The following KLRG1 variants were observed in gnomAD, a reference collection of about 807,000 sequenced individuals.
The protein encoded by KLRG1 is killer cell lectin like receptor G1.
A neutral mutation model predicts 21.8 loss-of-function variants in KLRG1; 16 were observed. The observed-to-expected ratio is 0.73, with a 90% confidence interval of 0.50 to 1.11. The LOEUF is 1.11. KLRG1 is among the 50% of genes most tolerant of loss of function. The pLI, the probability that KLRG1 is intolerant of heterozygous loss-of-function variation, is 0.00. For missense variants in KLRG1, 173 were observed against 218.3 expected, an observed-to-expected ratio of 0.79 and a Z score of 1.31; for synonymous variants, 69 against 75.9, an observed-to-expected ratio of 0.91 and a Z score of 0.47.
At chr12:9,157,335 G>T in the KLRG1 span, 1 of 1,613,738 alleles carries the variant, frequency 6.2e-7, no homozygotes, top group Non-Finnish European at 8.5e-7. Context: ...GGCAGAACAG[G>T]GCATTGCGAA....
chr12:9,204,006 A>G, the KLRG1 span: 56 of 1,481,292 alleles, frequency 3.8e-5, no homozygotes, highest in Non-Finnish European at 5.0e-5. Context: ...AAGCGTTTTC[A>G]TCCATAAATG....
chr12:9,039,904 A>G, the KLRG1 span, among the ~76,000 whole-genome samples: 3 of 152,362 alleles, frequency 2.0e-5, no homozygotes, highest in Non-Finnish European at 2.9e-5. Flanking sequence ...TGCCTGCGCA[A>G]TGCATTCAGG....
the KLRG1 span, among the ~76,000 whole-genome samples, chr12:9,099,792 T>A: frequency 1.0e-3 from 157 of 152,294 alleles, 1 homozygote; most frequent in African/African-American, 3.7e-3. Context: ...TACCATTTGA[T>A]CTAGGCCTCA....
At chr12:9,044,321 CAAA>C in the KLRG1 span, among the ~76,000 whole-genome samples, 1 of 152,016 alleles carries the variant, frequency 6.6e-6, no homozygotes, top group African/African-American at 2.4e-5. Context: ...CTCTAGTAAT[CAAA>C]GAAGGAAAAG....
At chr12:9,065,092 C>G in the KLRG1 span, 1 of 151,472 alleles carries the variant, frequency 6.6e-6, no homozygotes, top group African/African-American at 2.4e-5. Flanking sequence ...CTTGCAGCGA[C>G]GTCATCCCTG....
In KLRG1 at chr12:9,002,871, T is replaced by A. The variant is rs143783585; in HGVS notation, c.358-6104T>A. 1.6e-4 allele frequency among the ~76,000 whole-genome samples: 24 copies of A among 151,440 alleles called. No homozygotes were observed. In the East Asian group the frequency reaches 4.3e-3, roughly 27 times the overall value. On this transcript the variant is annotated intron_variant, in intron 3 of 4. Coordinates refer to ENST00000356986, the MANE Select transcript of KLRG1 (RefSeq NM_005810.4). ...TGTGAGCCACTGCACCAGACCGATT[T>A]GTACTTTCATGCTGCTTCTATATTC...
the KLRG1 span, among the ~76,000 whole-genome samples, chr12:9,144,183 G>T: frequency 6.6e-6 from 1 of 151,224 alleles, no homozygotes; most frequent in Non-Finnish European, 1.5e-5. Context: ...GAGAGAGAGA[G>T]AGACAGAGAG....
chr12:9,110,609 A>G, the KLRG1 span, among the ~76,000 whole-genome samples: 2 of 151,676 alleles, frequency 1.3e-5, no homozygotes, highest in African/African-American at 4.8e-5. Flanking sequence ...GGATAATGAT[A>G]ATGATTATCA....
chr12:9,103,896 G>A, the KLRG1 span, among the ~76,000 whole-genome samples: 1 of 152,154 alleles, frequency 6.6e-6, no homozygotes, highest in Admixed American at 6.5e-5. Context: ...AGCTCTTTGA[G>A]ACCCCGTTTT....
the KLRG1 span, among the ~76,000 whole-genome samples, chr12:9,041,106 C>T: frequency 2.6e-5 from 4 of 152,130 alleles, no homozygotes; most frequent in Admixed American, 6.5e-5. Flanking sequence ...GAGGCTGAGG[C>T]GGGTGGATCA....
the KLRG1 span, chr12:9,099,373 A>T: frequency 1.3e-6 from 2 of 1,553,230 alleles, no homozygotes; most frequent in Non-Finnish European, 1.7e-6. Context: ...ATGATCTAAA[A>T]CACACACCTT....
At chr12:9,138,480 T>C in the KLRG1 span, among the ~76,000 whole-genome samples, 1 of 151,974 alleles carries the variant, frequency 6.6e-6, no homozygotes, top group Non-Finnish European at 1.5e-5. Flanking sequence ...TTTCTTGTAG[T>C]GTCCTTGTCT....
chr12:8,968,022 TAAA>T (rs1201485258), intron 1 of KLRG1, among the ~76,000 whole-genome samples: 2 of 151,490 alleles, frequency 1.3e-5, no homozygotes, highest in African/African-American at 4.9e-5. Context: ...AAGGGAAAGA[TAAA>T]TAATAAGCAA....
intron 1 of KLRG1, among the ~76,000 whole-genome samples, chr12:8,977,683 ATTTGATGATTTTTATAGTGAATTGC>A (rs1946680942): frequency 6.7e-6 from 1 of 150,202 alleles, no homozygotes; most frequent in African/African-American, 2.5e-5. Context: ...CCTTTTTTTT[ATTTGATGATTTTTATAGTGAATTGC>A]TTTGATTCTT....
chr12:8,979,749 CT>C (rs911969736), intron 1 of KLRG1, among the ~76,000 whole-genome samples: 1 of 151,384 alleles, frequency 6.6e-6, no homozygotes, highest in Non-Finnish European at 1.5e-5. Flanking sequence ...CTTTTTCATT[CT>C]TTTTTTTTCT....
chr12:9,106,377 G>T, the KLRG1 span: 1 of 1,526,422 alleles, frequency 6.6e-7, no homozygotes. Context: ...TGTTATTTTT[G>T]GGAAGAATGA....
chr12:9,168,689 A>AT, the KLRG1 span: 2 of 512,968 alleles, frequency 3.9e-6, no homozygotes, highest in Non-Finnish European at 6.8e-6. Flanking sequence ...TCTAAAAAAA[A>AT]ATCTCTGATC....
the KLRG1 span, chr12:9,069,049 C>T: frequency 4.4e-6 from 2 of 456,792 alleles, no homozygotes; most frequent in South Asian, 4.6e-5. Context: ...ACGCATATAC[C>T]TCTGTCAATG....
chr12:9,133,838 G>A, the KLRG1 span, among the ~76,000 whole-genome samples: 1 of 152,144 alleles, frequency 6.6e-6, no homozygotes, highest in Non-Finnish European at 1.5e-5. Flanking sequence ...ACTATTAAAA[G>A]TTGTAGAAAT....
Sources: allele counts gnomAD v4.1 joint callset (sites outside exome capture counted in the v4.1 genomes callset), GRCh38; gene constraint gnomAD v4.1.1; transcripts MANE v1.5; gene names NCBI Gene and HGNC (gene_info 2026-07-23, HGNC 2026-07-21).